The following SIPA1L3 variants were observed in gnomAD, a reference collection of about 807,000 sequenced individuals.
SIPA1L3 encodes signal induced proliferation associated 1 like 3, also known as signal-induced proliferation-associated 1-like protein 3.
In SIPA1L3, 59 loss-of-function variants were observed where a neutral mutation model predicts 150.1. The ratio of observed to expected loss-of-function variants is 0.39; its 90% confidence interval spans 0.32 to 0.49. The LOEUF (loss-of-function observed/expected upper bound fraction) is 0.49, where lower values mean the gene tolerates loss of function less well. Among genes scored for constraint, SIPA1L3 ranks in the 20% least tolerant of loss-of-function variants. The pLI is 0.86. For synonymous variants in SIPA1L3, 1,070 were observed against 1,077.6 expected (o/e 0.99, Z 0.14); for missense variants, 2,211 against 2,489.5 (o/e 0.89, Z 2.38).
chr19:38,049,733 T>G (rs1279182654), intron 2 of SIPA1L3, among the ~76,000 whole-genome samples: 1 of 152,136 alleles, frequency 6.6e-6, no homozygotes, highest in Non-Finnish European at 1.5e-5. Context: ...AGGCTGATCT[T>G]GAACTCCTGA....
At chr19:38,108,132 G>A (rs954124630) in intron 7 of SIPA1L3, among the ~76,000 whole-genome samples, 3 of 152,000 alleles carry the variant, frequency 2.0e-5, no homozygotes, top group Non-Finnish European at 2.9e-5. Flanking sequence ...GGGTATAATC[G>A]TAGTGCCCCT....
chr19:37,966,286 C>T (rs1568482306), intron 1 of SIPA1L3, among the ~76,000 whole-genome samples: 1 of 152,170 alleles, frequency 6.6e-6, no homozygotes, highest in Admixed American at 6.5e-5. Flanking sequence ...ACAGTGGCCT[C>T]GGGCACCTGC....
intron 1 of SIPA1L3, among the ~76,000 whole-genome samples, chr19:37,952,749 C>T (rs2046775985): frequency 6.6e-6 from 1 of 152,236 alleles, no homozygotes; most frequent in Non-Finnish European, 1.5e-5. Flanking sequence ...TTGAGAACCA[C>T]TTTGCTAGAC....
At chr19:38,108,295 G>T (rs757415209) in intron 7 of SIPA1L3, among the ~76,000 whole-genome samples, 4 of 151,292 alleles carry the variant, frequency 2.6e-5, no homozygotes, top group Non-Finnish European at 2.9e-5. Flanking sequence ...TTAAGAAGTG[G>T]GTTAGAATCC....
chr19:38,114,404 C>T (rs968888309), intron 8 of SIPA1L3, among the ~76,000 whole-genome samples: 1 of 131,408 alleles, frequency 7.6e-6, no homozygotes, highest in African/African-American at 2.9e-5. Context: ...GCCTGGGCGA[C>T]AAGAGCGAAA....
chr19:38,059,995 G>A (rs188761673), intron 2 of SIPA1L3, among the ~76,000 whole-genome samples: 1 of 152,056 alleles, frequency 6.6e-6, no homozygotes, highest in South Asian at 2.1e-4. Context: ...GGCTGGTCTC[G>A]AACTTCTGAG....
At chr19:38,033,057 A>C (rs1215199162) in intron 2 of SIPA1L3, among the ~76,000 whole-genome samples, 2 of 152,232 alleles carry the variant, frequency 1.3e-5, no homozygotes, top group Non-Finnish European at 1.5e-5. Context: ...ATTCATCCAC[A>C]GCCATCCGGG....
intron 8 of SIPA1L3, among the ~76,000 whole-genome samples, chr19:38,112,484 G>A (rs930863233): frequency 6.6e-6 from 1 of 152,014 alleles, no homozygotes; most frequent in African/African-American, 2.4e-5. Context: ...TTCCGGGCTC[G>A]CCTCTGCATG....
intron 7 of SIPA1L3, among the ~76,000 whole-genome samples, chr19:38,108,990 C>A (rs10415809): frequency 0.029 from 4,190 of 143,110 alleles, 185 homozygotes; most frequent in African/African-American, 0.1. Flanking sequence ...ACTCAGTCTC[C>A]AAAAAAAAAA....
rs1289027508 is a variant in SIPA1L3 at position 38,206,468 on chromosome 19, C to T, written c.*228C>T. 3 of 513,242 alleles carry T rather than the reference C, an allele frequency of 5.8e-6. No individual in the cohort carries two copies. The East Asian group carries it at 1.1e-4, about 18-fold the overall frequency. The allele number at this position is 513,242 out of a possible 1,614,324, so 31.8% of individuals were successfully genotyped here. A position where few individuals can be genotyped will look rare whatever the true frequency, so the allele number is the denominator to read the frequency against. Reference sequence around the variant, plus strand: ...TGGTCTCAGGCCTCCCTCCAAGCTGCCCAGCTGTGGTCCCGGTGAGCTGGG... The same window carrying T: ...TGGTCTCAGGCCTCCCTCCAAGCTGTCCAGCTGTGGTCCCGGTGAGCTGGG... On this transcript the variant is annotated 3_prime_UTR_variant, in exon 22 of 22. Transcript: ENST00000222345.
In SIPA1L3 at chr19:38,189,409, G is replaced by T. The variant is rs1455975859; in HGVS notation, c.4431-2736G>T. On this transcript the variant is annotated intron_variant, in intron 16 of 21. Coordinates refer to ENST00000222345, the MANE Select transcript of SIPA1L3 (RefSeq NM_015073.3). Reference sequence around the variant, plus strand: ...GCCTCCCAAAGTGCTGGGATTACAGGCATGAGCCACCATGCCTGACCTAAG... The same window carrying T: ...GCCTCCCAAAGTGCTGGGATTACAGTCATGAGCCACCATGCCTGACCTAAG... Among the ~76,000 whole-genome samples the T allele has an allele frequency of 4.6e-5, 7 of 152,092 alleles. No homozygotes were observed. In the South Asian group the frequency reaches 1.4e-3, roughly 32 times the overall value.
chr19:37,971,136 G>C (rs549565594), intron 1 of SIPA1L3, among the ~76,000 whole-genome samples: 2 of 150,724 alleles, frequency 1.3e-5, no homozygotes, highest in African/African-American at 4.9e-5. Flanking sequence ...GCTTTTTTTT[G>C]TTTGTTTGTT....
At chr19:38,131,541 A>ATGGGTTTTATTCCATGCT (rs375167790) in intron 10 of SIPA1L3, 3 of 153,482 alleles carry the variant, frequency 2.0e-5, no homozygotes, top group Non-Finnish European at 4.3e-5. Context: ...TGTGGGCTTC[A>ATGGGTTTTATTCCATGCT]TGGGTTTTAT....
intron 2 of SIPA1L3, among the ~76,000 whole-genome samples, chr19:38,062,087 T>C (rs1008989361): frequency 2.0e-5 from 3 of 151,812 alleles, no homozygotes; most frequent in Non-Finnish European, 4.4e-5. Flanking sequence ...ATGTGCCCCT[T>C]AGTATGGGAG....
rs180866495 is a variant in SIPA1L3, at chr19:38,109,058, C to T, written c.2134-1169C>T. Among the ~76,000 whole-genome samples the T allele has an allele frequency of 3.6e-4, 55 of 152,212 alleles. 1 individual carries two copies. In the East Asian group the frequency reaches 7.5e-3, roughly 21 times the overall value. On this transcript the variant is annotated intron_variant, in intron 7 of 21. Transcript: ENST00000222345. ...AATAAGCCAAACACTGTGAATACGG[C>T]GTCACCTGTGAAGATAACAGAGTCT...
intron 1 of SIPA1L3, among the ~76,000 whole-genome samples, chr19:37,923,148 AAAG>A (rs553503596): frequency 1.2e-3 from 181 of 150,518 alleles, no homozygotes; most frequent in African/African-American, 3.7e-3. Flanking sequence ...AAAAAAAAAA[AAAG>A]AAGTACAACA....
rs146938213 is a variant in SIPA1L3, at chr19:38,122,745, C to T, written c.2868+2863C>T. On this transcript the variant is annotated intron_variant, in intron 9 of 21. Transcript: ENST00000222345. ...CCATGAAGACCTCTGAGGTTTCATG[C>T]GCATGCTAGGGCGGCGTCCAGCCTC... Among the ~76,000 whole-genome samples the T allele has an allele frequency of 2.4e-3, 360 of 152,328 alleles. 1 individual carries two copies. The highest frequency in any genetic ancestry group is 8.1e-3 in the African/African-American group (338 of 41,584).
chr19:38,155,709 TCC>T (rs1202204062), intron 13 of SIPA1L3, among the ~76,000 whole-genome samples: 1 of 152,032 alleles, frequency 6.6e-6, no homozygotes, highest in African/African-American at 2.4e-5. Context: ...GCACACCAGC[TCC>T]CCCAGATGCT....
intron 1 of SIPA1L3, among the ~76,000 whole-genome samples, chr19:37,995,185 G>A (rs1322943442): frequency 2.6e-5 from 4 of 152,306 alleles, no homozygotes; most frequent in Admixed American, 1.3e-4. Context: ...AAAGGAGCCA[G>A]GGGCCGGCCC....
Sources: gnomAD v4.1 joint callset for allele counts (sites outside exome capture counted in the v4.1 genomes callset) on GRCh38, gnomAD v4.1.1 for gene constraint, MANE v1.5 for transcripts, NCBI Gene and HGNC (gene_info 2026-07-23, HGNC 2026-07-21) for gene names.